The following VEGFC variants were observed in gnomAD, a reference collection of about 807,000 sequenced individuals.
The protein encoded by VEGFC is FLT4 ligand DHM.
VEGFC carries 12 observed loss-of-function variants against 46.1 expected under a neutral mutation model. That is an observed-to-expected ratio of 0.26 (90% CI 0.17 to 0.42). The LOEUF is 0.42. Ranked by LOEUF, VEGFC falls within the 10% of genes least tolerant of loss-of-function variation. The probability of loss-of-function intolerance (pLI) is 1.00; values close to 1 mark genes in which losing one functional copy is unlikely to be tolerated. For synonymous variants in VEGFC, 232 were observed against 195.5 expected (o/e 1.19, Z -1.56); for missense variants, 488 against 529.4 (o/e 0.92, Z 0.77).
chr4:176,740,211 A>AT (rs1735140727), intron 1 of VEGFC, among the ~76,000 whole-genome samples: 1 of 124,004 alleles, frequency 8.1e-6, no homozygotes, highest in Non-Finnish European at 1.6e-5. Context: ...TAGAATATAT[A>AT]TCTATATATA....
intron 2 of VEGFC, 46 bp from the exon 3 acceptor site, chr4:176,728,014 G>A: frequency 2.7e-6 from 4 of 1,476,588 alleles, no homozygotes; most frequent in South Asian, 1.4e-5. Flanking sequence ...AAACCACCAA[G>A]ATAAAAAAAG....
intron 1 of VEGFC, among the ~76,000 whole-genome samples, chr4:176,787,580 G>A (rs1049863697): frequency 4.6e-5 from 7 of 151,990 alleles, no homozygotes; most frequent in Middle Eastern, 3.4e-3. Flanking sequence ...GCAGTATAAG[G>A]AAACAGTACT....
chr4:176,698,200 G>C (rs1472646555), intron 4 of VEGFC, among the ~76,000 whole-genome samples: 3 of 151,098 alleles, frequency 2.0e-5, no homozygotes, highest in African/African-American at 7.3e-5. Context: ...ATCACAGCAG[G>C]CTATTTTGTG....
intron 1 of VEGFC, among the ~76,000 whole-genome samples, chr4:176,782,310 A>T (rs535108691): frequency 8.5e-5 from 13 of 152,168 alleles, no homozygotes; most frequent in African/African-American, 2.6e-4. Context: ...AAAAAATTTT[A>T]AAAAATAGCT....
intron 1 of VEGFC, among the ~76,000 whole-genome samples, chr4:176,760,301 C>A (rs1735507085): frequency 6.6e-6 from 1 of 152,040 alleles, no homozygotes; most frequent in South Asian, 2.1e-4. Context: ...AAAAACAATT[C>A]AAAATATAGG....
In VEGFC at chr4:176,780,401, T is replaced by A. The variant is rs1261276710; in HGVS notation, c.147+11764A>T. 2.3e-3 allele frequency among the ~76,000 whole-genome samples: 66 copies of A among 28,710 alleles called. No individual in the cohort carries two copies. The East Asian group carries it at 0.087, about 38-fold the overall frequency. 18.8% of individuals were successfully genotyped at this position (28,710 alleles called of 152,430 possible). A position where few individuals can be genotyped will look rare whatever the true frequency, so the allele number is the denominator to read the frequency against. The stretch of plus-strand genomic sequence containing the variant: ...CATCTCAAAAAAAAAAAAAAAAAAC[T>A]CCTTCTAACCCATTCACTAAGCACT... On this transcript the variant is annotated intron_variant, in intron 1 of 6. Coordinates refer to ENST00000618562, the MANE Select transcript of VEGFC (RefSeq NM_005429.5).
intron 4 of VEGFC, among the ~76,000 whole-genome samples, chr4:176,700,315 G>A (rs1242990269): frequency 6.6e-6 from 1 of 152,014 alleles, no homozygotes; most frequent in African/African-American, 2.4e-5. Context: ...TACTCAGGAG[G>A]CTGAGGCAGG....
intron 1 of VEGFC, among the ~76,000 whole-genome samples, chr4:176,775,537 G>A (rs1735800569): frequency 6.6e-6 from 1 of 152,136 alleles, no homozygotes; most frequent in South Asian, 2.1e-4. Context: ...CAGTTCATGT[G>A]ACATATGCAA....
chr4:176,777,750 T>C (rs1331318801), intron 1 of VEGFC, among the ~76,000 whole-genome samples: 1 of 151,544 alleles, frequency 6.6e-6, no homozygotes, highest in Non-Finnish European at 1.5e-5. Context: ...AAACCCTGTC[T>C]CTATTAAAAA....
At chr4:176,713,328 T>C (rs1027502734) in intron 3 of VEGFC, among the ~76,000 whole-genome samples, 1 of 152,188 alleles carries the variant, frequency 6.6e-6, no homozygotes, top group Non-Finnish European at 1.5e-5. Context: ...CTTTGCACTA[T>C]ATATACCTAT....
chr4:176,760,942 A>ATT (rs1490366357), intron 1 of VEGFC, among the ~76,000 whole-genome samples: 1 of 152,222 alleles, frequency 6.6e-6, no homozygotes, highest in African/African-American at 2.4e-5. Flanking sequence ...AAAATCATAC[A>ATT]TAGGTAGGAA....
intron 1 of VEGFC, among the ~76,000 whole-genome samples, chr4:176,763,451 C>G (rs1735565632): frequency 6.6e-6 from 1 of 152,118 alleles, no homozygotes; most frequent in African/African-American, 2.4e-5. Flanking sequence ...CATAGAACAT[C>G]ATTCCAATTA....
At chr4:176,790,870 T>G (rs1239041944) in intron 1 of VEGFC, among the ~76,000 whole-genome samples, 1 of 152,224 alleles carries the variant, frequency 6.6e-6, no homozygotes, top group Non-Finnish European at 1.5e-5. Context: ...AATGTAAGTA[T>G]AGGCACTGAA....
rs145504348 is a variant in VEGFC, at chr4:176,768,491, CAT to C, written c.147+23672_147+23673del. Among the ~76,000 whole-genome samples, 809 of 100,556 alleles carry C rather than the reference CAT, an allele frequency of 8.0e-3. 14 individuals carry two copies. Among genetic ancestry groups the C allele is most frequent in the African/African-American group, 0.02 (632 of 32,238 alleles). The allele number at this position is 100,556 out of a possible 152,430, so 66.0% of individuals were successfully genotyped here. On this transcript the variant is annotated intron_variant, in intron 1 of 6. Transcript: ENST00000618562. ...CTGCCAAGTAAGAGGATGTTTTATA[CAT>C]ATATATATATATATATATATTTCAA... is the stretch of plus-strand genomic sequence containing the variant.
Position 176,761,897 on chromosome 4 carries a change from T to C in VEGFC, c.147+30268A>G, listed in dbSNP as rs571911873. Among the ~76,000 whole-genome samples, 500 of 152,322 alleles carry C rather than the reference T, an allele frequency of 3.3e-3. 5 individuals are homozygous for C. Among genetic ancestry groups the C allele is most frequent in the Admixed American group, 7.7e-3 (118 of 15,296 alleles). ...TCAGAGTTGGAAGAAGCCATCAGCC[T>C]GGAAGAAAATCTGGCCCAAGACAGA... On this transcript the variant is annotated intron_variant, in intron 1 of 6. Coordinates refer to ENST00000618562, the MANE Select transcript of VEGFC (RefSeq NM_005429.5).
At chr4:176,745,122 T>C (rs1458112445) in intron 1 of VEGFC, among the ~76,000 whole-genome samples, 1 of 152,180 alleles carries the variant, frequency 6.6e-6, no homozygotes, top group East Asian at 1.9e-4. Context: ...CAGCCACTTA[T>C]CCTTAGGGAC....
In VEGFC at chr4:176,728,151, G is replaced by A. The variant is rs188022174; in HGVS notation, c.362-183C>T. Among the ~76,000 whole-genome samples the A allele has an allele frequency of 2.6e-3, 392 of 152,246 alleles. 2 individuals carry two copies. Among genetic ancestry groups the A allele is most frequent in the Admixed American group, 5.4e-3 (83 of 15,282 alleles). Reference sequence around the variant, plus strand: ...AATGAGAATGATATAACATTGAAAAGACAAGCTAAGGATATTTCTTAAACT... The same window carrying A: ...AATGAGAATGATATAACATTGAAAAAACAAGCTAAGGATATTTCTTAAACT... On this transcript the variant is annotated intron_variant, in intron 2 of 6. Transcript: ENST00000618562.
intron 4 of VEGFC, among the ~76,000 whole-genome samples, chr4:176,691,736 T>C (rs1252278379): frequency 2.6e-5 from 4 of 152,224 alleles, no homozygotes; most frequent in Admixed American, 6.5e-5. Flanking sequence ...GTATTCCAAA[T>C]ACGTTCTGTT....
Position 176,792,219 on chromosome 4 carries a change from G to C in VEGFC, c.93C>G (p.Ala31=). ...CCGAGAGGTCGAGTCCGGACTCGAA[G>C]GCGGCGGCGGCGGCGGGCGCCTCGC... The part of the protein sequence containing the change: ...GPREAPAAAA[A]FESGLDLSDA... Residue 31 remains alanine, a synonymous_variant, in exon 1 of 7, where the codon GCC becomes GCG. Coordinates refer to ENST00000618562, the MANE Select transcript of VEGFC (RefSeq NM_005429.5). The surrounding 1 kb of genome is among the most constrained non-coding windows in gnomAD (Gnocchi z 6.3). 1 of 1,461,168 alleles carries C rather than the reference G, an allele frequency of 6.8e-7. No individual in the cohort carries two copies. The highest frequency in any genetic ancestry group is 1.4e-5 in the South Asian group (1 of 72,132). 90.5% of individuals were successfully genotyped at this position (1,461,168 alleles called of 1,614,324 possible).
Sources: gnomAD v4.1 joint callset for allele counts (sites outside exome capture counted in the v4.1 genomes callset) on GRCh38, gnomAD v4.1.1 for gene constraint, Gnocchi (gnomAD v3.1) non-coding constraint, MANE v1.5 for transcripts, NCBI Gene and HGNC (gene_info 2026-07-23, HGNC 2026-07-21) for gene names.